The following ZFYVE9 variants were observed in gnomAD, a reference collection of about 807,000 sequenced individuals.
ZFYVE9 encodes zinc finger FYVE domain-containing protein 9.
Under a neutral mutation model 126.7 loss-of-function variants are expected in ZFYVE9, and 43 were observed. That is an observed-to-expected ratio of 0.34 (90% CI 0.27 to 0.44). The LOEUF (loss-of-function observed/expected upper bound fraction) is 0.44. Ranked by LOEUF, ZFYVE9 falls within the 20% of genes least tolerant of loss-of-function variation. The pLI, the probability that ZFYVE9 is intolerant of heterozygous loss-of-function variation, is 1.00. For missense variants in ZFYVE9, 1,476 were observed against 1,697.0 expected (o/e 0.87, Z 2.29); for synonymous variants, 521 against 597.4 (o/e 0.87, Z 1.87).
chr1:52,206,860 G>A (rs536155758), intron 1 of ZFYVE9, among the ~76,000 whole-genome samples: 1 of 152,268 alleles, frequency 6.6e-6, no homozygotes, highest in African/African-American at 2.4e-5. Context: ...CGGAGATAGA[G>A]GTTTCTAGCT....
intron 13 of ZFYVE9, among the ~76,000 whole-genome samples, chr1:52,319,893 A>T (rs1203455345): frequency 6.7e-6 from 1 of 150,344 alleles, no homozygotes. Context: ...TGTGCCTGTA[A>T]TCTCAGCTAC....
chr1:52,228,498 T>C (rs879806528), intron 2 of ZFYVE9, among the ~76,000 whole-genome samples: 6 of 152,214 alleles, frequency 3.9e-5, no homozygotes, highest in Admixed American at 3.9e-4. Context: ...AAGACCCATA[T>C]ATCCTTCAGC....
At chr1:52,184,118 C>T (rs1015492676) in intron 1 of ZFYVE9, among the ~76,000 whole-genome samples, 7 of 150,238 alleles carry the variant, frequency 4.7e-5, no homozygotes, top group Admixed American at 2.7e-4. Flanking sequence ...TATAGTTCAC[C>T]TTTTTAGTTG....
At chr1:52,314,408 G>A (rs899953052) in intron 13 of ZFYVE9, among the ~76,000 whole-genome samples, 4 of 152,170 alleles carry the variant, frequency 2.6e-5, no homozygotes, top group Non-Finnish European at 5.9e-5. Flanking sequence ...CAGGCTGGGC[G>A]CAGTGACTCA....
rs566372582 is a variant in ZFYVE9 at position 52,204,726 on chromosome 1, C to CA, written c.-142-11633dup. On this transcript the variant is annotated intron_variant, in intron 1 of 18. Transcript: ENST00000287727. The stretch of plus-strand genomic sequence containing the variant: ...TGGACAACAGAGCGAGACCCTGTCT[C>CA]AAAAAAAAAAGAAAAGAAAAAAGAG... Among the ~76,000 whole-genome samples the CA allele has an allele frequency of 2.2e-3, 322 of 144,218 alleles. 2 individuals are homozygous for CA. Among genetic ancestry groups the CA allele is most frequent in the Non-Finnish European group, 3.4e-3 (224 of 65,606 alleles). The allele number at this position is 144,218 out of a possible 152,430, so 94.6% of individuals were successfully genotyped here.
intron 13 of ZFYVE9, among the ~76,000 whole-genome samples, chr1:52,312,700 A>G (rs773538428): frequency 2.0e-5 from 3 of 152,206 alleles, no homozygotes; most frequent in Non-Finnish European, 2.9e-5. Context: ...CTCTGCTACA[A>G]GAGTGACTAT....
intron 13 of ZFYVE9, among the ~76,000 whole-genome samples, chr1:52,321,212 T>A (rs1464056267): frequency 6.6e-6 from 1 of 152,234 alleles, no homozygotes; most frequent in African/African-American, 2.4e-5. Context: ...ACACATATTC[T>A]TCAGAGAAGT....
At chr1:52,173,746 G>A (rs1437197082) in intron 1 of ZFYVE9, among the ~76,000 whole-genome samples, 1 of 152,114 alleles carries the variant, frequency 6.6e-6, no homozygotes, top group African/African-American at 2.4e-5. Flanking sequence ...TGTATGTGTC[G>A]AGGAATTTAT....
chr1:52,178,348 T>C lies in ZFYVE9; in HGVS notation c.-143+35945T>C, dbSNP rs1644661137. Among the ~76,000 whole-genome samples, 4 of 151,398 alleles carry C rather than the reference T, an allele frequency of 2.6e-5. No individual in the cohort carries two copies. In the South Asian group the frequency reaches 8.3e-4, roughly 32 times the overall value. On this transcript the variant is annotated intron_variant, in intron 1 of 18. Transcript: ENST00000287727. ...TTTGGGCTTTTTTTTTTTTTCGTTT[T>C]TGAGACGGAGTCTCGCACTATCGCC...
At chr1:52,159,417 C>T (rs957415952) in intron 1 of ZFYVE9, among the ~76,000 whole-genome samples, 4 of 152,140 alleles carry the variant, frequency 2.6e-5, no homozygotes, top group Admixed American at 1.3e-4. Flanking sequence ...AGAGGACTTC[C>T]GTGAAAGGAA....
intron 2 of ZFYVE9, among the ~76,000 whole-genome samples, chr1:52,218,981 A>G (rs75220411): frequency 0.013 from 2,000 of 152,166 alleles, 37 homozygotes; most frequent in African/African-American, 0.046. Flanking sequence ...GGTTTTGGCA[A>G]TTTGAGGGGG....
rs767299854 is a variant in ZFYVE9 at position 52,239,272 on chromosome 1, G to C, written c.1855G>C (p.Gly619Arg). 1.9e-6 allele frequency: 3 copies of C among 1,613,970 alleles called. No individual in the cohort carries two copies. Among genetic ancestry groups the C allele is most frequent in the Non-Finnish European group, 2.5e-6 (3 of 1,180,018 alleles). The change falls in exon 4 of 19, where the codon GGG becomes CGG. Residue 619 changes from glycine to arginine, a missense_variant. By Grantham distance (125) the Gly-to-Arg change is moderately radical. Coordinates refer to ENST00000287727, the MANE Select transcript of ZFYVE9 (RefSeq NM_004799.4). ...TACTAAAAATAAAAATGATATTCTT[G>C]GGAAAGCAAAATTAGGGGAAAACTC... ...NNTKNKNDIL[G>R]KAKLGENSAT...
intron 4 of ZFYVE9, among the ~76,000 whole-genome samples, chr1:52,256,410 C>T (rs987800863): frequency 6.6e-6 from 1 of 151,110 alleles, no homozygotes; most frequent in Non-Finnish European, 1.5e-5. Context: ...TTGCTCTTGT[C>T]GCTCAGGCTG....
intron 1 of ZFYVE9, among the ~76,000 whole-genome samples, chr1:52,204,247 G>A (rs142078110): frequency 1.5e-4 from 23 of 152,130 alleles, no homozygotes; most frequent in Non-Finnish European, 1.3e-4. Context: ...CTTTTAGCAA[G>A]CCTCTGCCCC....
At chr1:52,226,189 T>C (rs563928543) in intron 2 of ZFYVE9, among the ~76,000 whole-genome samples, 34 of 152,252 alleles carry the variant, frequency 2.2e-4, no homozygotes, top group African/African-American at 7.7e-4. Context: ...TTACTGTACA[T>C]GTGGCTGGCA....
intron 1 of ZFYVE9, among the ~76,000 whole-genome samples, chr1:52,183,747 C>T (rs1342868291): frequency 6.6e-6 from 1 of 152,190 alleles, no homozygotes; most frequent in Non-Finnish European, 1.5e-5. Context: ...CTTAGGCAAT[C>T]CACCCGCCTC....
At chr1:52,274,657 C>G in intron 8 of ZFYVE9, 73 bp downstream of exon 8, 1 of 1,439,048 alleles carries the variant, frequency 6.9e-7, no homozygotes, top group South Asian at 1.6e-5. Context: ...GGTAGAGAGA[C>G]AGAATTTGAG....
intron 13 of ZFYVE9, among the ~76,000 whole-genome samples, chr1:52,307,321 C>T (rs1433500836): frequency 1.3e-5 from 2 of 151,982 alleles, no homozygotes; most frequent in African/African-American, 2.4e-5. Context: ...CTGCAACCTA[C>T]GCCTCCAGGA....
chr1:52,225,374 T>A (rs80256953), intron 2 of ZFYVE9, among the ~76,000 whole-genome samples: 5,590 of 152,304 alleles, frequency 0.037, 160 homozygotes, highest in Middle Eastern at 0.14. Flanking sequence ...CCAGATTTGT[T>A]GGAAACAAGT....
Sources: allele counts gnomAD v4.1 joint callset (sites outside exome capture counted in the v4.1 genomes callset), GRCh38; gene constraint gnomAD v4.1.1; transcripts MANE v1.5; gene names NCBI Gene and HGNC (gene_info 2026-07-23, HGNC 2026-07-21).